Variants in STPG2 observed in about 807,000 individuals in gnomAD.
The protein encoded by STPG2 is sperm tail PG-rich repeat containing 2, also known as sperm-tail PG-rich repeat-containing protein 2.
STPG2 carries 56 observed loss-of-function variants against 54.2 expected under a neutral mutation model. That is an observed-to-expected ratio of 1.03 (90% confidence interval 0.83 to 1.29). STPG2 has a LOEUF of 1.29. Ranked by LOEUF, STPG2 falls within the 50% of genes most tolerant of loss-of-function variation. STPG2 has a pLI of 0.00. For synonymous variants in STPG2, 200 were observed against 181.8 expected, an observed-to-expected ratio of 1.10 and a Z score of -0.81; for missense variants, 596 against 544.9, an observed-to-expected ratio of 1.09 and a Z score of -0.93.
chr4:97,651,011 TA>T (rs1003160082), intron 10 of STPG2, among the ~76,000 whole-genome samples: 27 of 146,470 alleles, frequency 1.8e-4, no homozygotes, highest in African/African-American at 2.0e-4. Flanking sequence ...TGGGCAAGAT[TA>T]AAAAAAAAAA....
At chr4:97,623,718 G>T (rs958754577) in intron 10 of STPG2, among the ~76,000 whole-genome samples, 1 of 152,100 alleles carries the variant, frequency 6.6e-6, no homozygotes, top group Admixed American at 6.5e-5. Context: ...GTGGTTTGCT[G>T]TGCTTATCAA....
chr4:97,484,133 C>T (rs1730295027), intron 4 of STPG2, among the ~76,000 whole-genome samples: 4 of 151,396 alleles, frequency 2.6e-5, no homozygotes, highest in Admixed American at 2.6e-4. Context: ...TGAAAGAGCA[C>T]AGACATTCTA....
At chr4:97,527,830 A>C (rs1443181862) in intron 4 of STPG2, among the ~76,000 whole-genome samples, 1 of 151,910 alleles carries the variant, frequency 6.6e-6, no homozygotes, top group Non-Finnish European at 1.5e-5. Context: ...TCCTTCGCCC[A>C]CTTTTTGATG....
chr4:97,794,465 C>G (rs1019660942), intron 9 of STPG2, among the ~76,000 whole-genome samples: 2 of 151,978 alleles, frequency 1.3e-5, no homozygotes, highest in South Asian at 2.1e-4. Flanking sequence ...AGTGCAATGC[C>G]AAGTCACTGA....
intron 8 of STPG2, among the ~76,000 whole-genome samples, chr4:97,931,842 T>C (rs1270236493): frequency 6.6e-6 from 1 of 152,134 alleles, no homozygotes; most frequent in African/African-American, 2.4e-5. Flanking sequence ...GTACATCTGG[T>C]AGAATTCAGC....
chr4:98,044,933 T>A (rs1737076562), intron 5 of STPG2, among the ~76,000 whole-genome samples: 1 of 152,056 alleles, frequency 6.6e-6, no homozygotes, highest in Admixed American at 6.6e-5. Flanking sequence ...CCATAAGCAT[T>A]CCTTTTATTC....
chr4:97,967,465 C>A (rs1177437293), intron 7 of STPG2, among the ~76,000 whole-genome samples: 1 of 152,130 alleles, frequency 6.6e-6, no homozygotes, highest in Non-Finnish European at 1.5e-5. Flanking sequence ...AGAAGGTTAA[C>A]AAGGATATCC....
chr4:97,535,263 C>G (rs992661763), intron 4 of STPG2, among the ~76,000 whole-genome samples: 3 of 152,076 alleles, frequency 2.0e-5, no homozygotes, highest in African/African-American at 4.8e-5. Context: ...TATGAATATT[C>G]CAGTTGCTCT....
At chr4:97,919,881 A>G (rs990274134) in intron 8 of STPG2, among the ~76,000 whole-genome samples, 4 of 152,198 alleles carry the variant, frequency 2.6e-5, no homozygotes, top group Non-Finnish European at 5.9e-5. Context: ...TTCCCTGTCT[A>G]TAACTTTTTT....
At chr4:97,511,825 G>A (rs1730979517) in intron 4 of STPG2, among the ~76,000 whole-genome samples, 1 of 151,912 alleles carries the variant, frequency 6.6e-6, no homozygotes, top group Admixed American at 6.6e-5. Context: ...ATGTTTGTGA[G>A]CTGGTACGAT....
chr4:97,919,833 A>C (rs1732030629), intron 8 of STPG2, among the ~76,000 whole-genome samples: 1 of 152,196 alleles, frequency 6.6e-6, no homozygotes, highest in Non-Finnish European at 1.5e-5. Flanking sequence ...CTTGACCCCC[A>C]AACCTATAAA....
At chr4:97,627,463 T>C (rs143461332) in intron 10 of STPG2, among the ~76,000 whole-genome samples, 1 of 152,310 alleles carries the variant, frequency 6.6e-6, no homozygotes, top group Non-Finnish European at 1.5e-5. Context: ...TAAACTAGGA[T>C]ACTTAACATA....
chr4:97,861,141 A>G (rs778416786), intron 8 of STPG2, among the ~76,000 whole-genome samples: 2 of 152,190 alleles, frequency 1.3e-5, no homozygotes, highest in African/African-American at 4.8e-5. Flanking sequence ...AAACAACTCT[A>G]TAGGAAAAAT....
chr4:97,944,861 A>G (rs948447557), intron 7 of STPG2, among the ~76,000 whole-genome samples: 9 of 152,036 alleles, frequency 5.9e-5, no homozygotes, highest in African/African-American at 2.2e-4. Flanking sequence ...GCACTTCTCC[A>G]CTTTTTTCCA....
intron 4 of STPG2, among the ~76,000 whole-genome samples, chr4:97,461,337 CT>C (rs1213761739): frequency 2.0e-5 from 3 of 152,124 alleles, no homozygotes; most frequent in African/African-American, 7.2e-5. Context: ...AATGTTTGTG[CT>C]TCACCCAAAA....
intron 10 of STPG2, among the ~76,000 whole-genome samples, chr4:97,565,919 C>A (rs930951567): frequency 6.6e-6 from 1 of 152,176 alleles, no homozygotes; most frequent in Non-Finnish European, 1.5e-5. Flanking sequence ...TCTGCCCATT[C>A]TCAGATCTCC....
At chr4:97,977,489 C>T (rs1029060572) in intron 6 of STPG2, among the ~76,000 whole-genome samples, 7 of 152,104 alleles carry the variant, frequency 4.6e-5, no homozygotes, top group Admixed American at 1.3e-4. Flanking sequence ...GATTCTGACC[C>T]TTTTGATTAT....
At chr4:98,131,823 C>T (rs1327169351) in intron 2 of STPG2, among the ~76,000 whole-genome samples, 1 of 152,132 alleles carries the variant, frequency 6.6e-6, no homozygotes, top group African/African-American at 2.4e-5. Flanking sequence ...TCTGTATCTT[C>T]ACTCATGTAA....
At chr4:97,978,351 C>A (rs1734561117) in intron 6 of STPG2, among the ~76,000 whole-genome samples, 1 of 152,202 alleles carries the variant, frequency 6.6e-6, no homozygotes, top group South Asian at 2.1e-4. Context: ...GAGATCAAGT[C>A]CTTTGCAGAA....
Sources: allele counts gnomAD v4.1 joint callset (sites outside exome capture counted in the v4.1 genomes callset), GRCh38; gene constraint gnomAD v4.1.1; transcripts MANE v1.5; gene names NCBI Gene and HGNC (gene_info 2026-07-23, HGNC 2026-07-21).